The following STON1 variants were observed in gnomAD, a reference collection of about 807,000 sequenced individuals.
STON1 encodes stonin-1.
STON1 carries 79 observed loss-of-function variants against 60.9 expected under a neutral mutation model. That is an observed-to-expected ratio of 1.30 (90% CI 1.08 to 1.56). The LOEUF is 1.56. Ranked by LOEUF, STON1 falls within the 40% of genes most tolerant of loss-of-function variation. The probability of loss-of-function intolerance (pLI) is 0.00; values close to 1 mark genes in which losing one functional copy is unlikely to be tolerated. For synonymous variants in STON1, 363 were observed against 306.9 expected, an observed-to-expected ratio of 1.18 and a Z score of -1.91; for missense variants, 1,166 against 858.9, an observed-to-expected ratio of 1.36 and a Z score of -4.47.
chr2:48,534,021 A>T (rs2103729840), intron 1 of STON1, among the ~76,000 whole-genome samples: 1 of 152,218 alleles, frequency 6.6e-6, no homozygotes, highest in South Asian at 2.1e-4. Context: ...CGCCAGCCTC[A>T]GCCTCCCAAA....
intron 1 of STON1, among the ~76,000 whole-genome samples, chr2:48,538,709 T>G (rs1043160410): frequency 6.6e-6 from 1 of 150,960 alleles, no homozygotes; most frequent in African/African-American, 2.4e-5. Context: ...ACAATTCTGT[T>G]GCCTCAGCCT....
At chr2:48,544,727 G>T (rs1479720248) in intron 1 of STON1, among the ~76,000 whole-genome samples, 1 of 150,338 alleles carries the variant, frequency 6.7e-6, no homozygotes, top group Non-Finnish European at 1.5e-5. Context: ...TGTATTTTTC[G>T]TAGAAACAGG....
rs949860825 is a variant in STON1, at chr2:48,557,458, G to T, written c.-47-23129G>T. 2.8e-5 allele frequency among the ~76,000 whole-genome samples: 3 copies of T among 106,458 alleles called. 1 individual carries two copies. Among genetic ancestry groups the T allele is most frequent in the African/African-American group, 1.0e-4 (3 of 30,042 alleles). 69.8% of individuals were successfully genotyped at this position (106,458 alleles called of 152,430 possible). On this transcript the variant is annotated intron_variant, in intron 1 of 3. Coordinates refer to ENST00000404752, the MANE Select transcript of STON1 (RefSeq NM_006873.4). Reference sequence around the variant, plus strand: ...CGCTCCTCACTTTCCAGACTGGGCAGCCAGGCAGAGGGGCTCCTCACATCC... The same window carrying T: ...CGCTCCTCACTTTCCAGACTGGGCATCCAGGCAGAGGGGCTCCTCACATCC...
chr2:48,561,627 G>T (rs965375892), intron 1 of STON1, among the ~76,000 whole-genome samples: 1 of 152,178 alleles, frequency 6.6e-6, no homozygotes, highest in African/African-American at 2.4e-5. Context: ...ATGTTTAGCA[G>T]CATCTCTGGC....
intron 1 of STON1, among the ~76,000 whole-genome samples, chr2:48,535,023 G>A (rs1671365512): frequency 6.6e-6 from 1 of 152,088 alleles, no homozygotes; most frequent in Admixed American, 6.5e-5. Context: ...TGGGATTCTG[G>A]AGCAGTCCTC....
intron 1 of STON1, among the ~76,000 whole-genome samples, chr2:48,550,931 T>A (rs1405341017): frequency 6.6e-6 from 1 of 152,074 alleles, no homozygotes; most frequent in African/African-American, 2.4e-5. Context: ...TGAGCAATTG[T>A]ATGGTTGGCA....
chr2:48,564,405 G>A (rs181914009), intron 1 of STON1, among the ~76,000 whole-genome samples: 1 of 82,940 alleles, frequency 1.2e-5, no homozygotes, highest in African/African-American at 4.6e-5. Context: ...CAGTGGCGGT[G>A]TCTTCTTCTT....
rs191162747 is a variant in STON1 at position 48,581,082 on chromosome 2, G to T, written c.449G>T (p.Gly150Val). The stretch of plus-strand genomic sequence containing the variant: ...TGTACACATCCAACTCCCAAAGTAG[G>T]TCTTCCAGATGAAGTTAATCCTCAA... ...HSCTHPTPKVGLPDEVNPQQA... is the reference protein window; with the variant it reads ...HSCTHPTPKVVLPDEVNPQQA... The change falls in exon 2 of 4, where the codon GGT (glycine) becomes GTT (valine). Residue 150 changes from glycine to valine, a missense_variant. By Grantham distance (109) the Gly-to-Val change is moderately radical. Transcript: ENST00000404752. 1.9e-6 allele frequency: 3 copies of T among 1,600,950 alleles called. No homozygotes were observed. Among genetic ancestry groups the T allele is most frequent in the South Asian group, 2.3e-5 (2 of 87,964 alleles).
chr2:48,575,214 T>C (rs1247581783), intron 1 of STON1, among the ~76,000 whole-genome samples: 2 of 152,244 alleles, frequency 1.3e-5, no homozygotes, highest in African/African-American at 4.8e-5. Context: ...TAATACTGAA[T>C]AATATTCTAT....
At chr2:48,559,477 C>CAGAGCCCTT (rs1672520868) in intron 1 of STON1, among the ~76,000 whole-genome samples, 1 of 152,180 alleles carries the variant, frequency 6.6e-6, no homozygotes, top group Non-Finnish European at 1.5e-5. Flanking sequence ...TTCATAAGGT[C>CAGAGCCCTT]AGAGCCCTTA....
intron 1 of STON1, among the ~76,000 whole-genome samples, chr2:48,540,714 G>A (rs952269304): frequency 3.3e-5 from 5 of 152,356 alleles, no homozygotes; most frequent in African/African-American, 1.2e-4. Context: ...TCAACTTGAA[G>A]TGGGTCAGTC....
At chr2:48,539,930 A>G (rs1671589527) in intron 1 of STON1, among the ~76,000 whole-genome samples, 2 of 152,074 alleles carry the variant, frequency 1.3e-5, no homozygotes, top group South Asian at 2.1e-4. Context: ...GCAGCTTTTT[A>G]TGACCTCCAG....
At position 48,581,326 on chromosome 2, in the gene STON1, G is replaced by A. The variant is rs532048939; in HGVS notation, c.693G>A (p.Glu231=). The A allele has an allele frequency of 3.7e-5, 57 of 1,533,478 alleles. 1 individual carries two copies. In the South Asian group the frequency reaches 7.2e-4, roughly 19 times the overall value. The allele number at this position is 1,533,478 out of a possible 1,614,324, so 95.0% of individuals were successfully genotyped here. The change falls in exon 2 of 4, where the codon GAG becomes GAA. Residue 231 remains glutamate (E), a synonymous_variant. Transcript: ENST00000404752. ...AGTGTTCACTCAACTATATCTGTGA[G>A]AAGCTTGAACATCTCCAGTCAGCTG... ...LNKCSLNYIC[E]KLEHLQSAEN...
intron 1 of STON1, among the ~76,000 whole-genome samples, chr2:48,545,688 T>C (rs1671836746): frequency 6.6e-6 from 1 of 152,234 alleles, no homozygotes; most frequent in South Asian, 2.1e-4. Context: ...CTGGAACTTT[T>C]CTGTTTGTCT....
At chr2:48,590,625 C>T (rs1674453640) in intron 2 of STON1, among the ~76,000 whole-genome samples, 1 of 7,412 alleles carries the variant, frequency 1.3e-4, no homozygotes, top group South Asian at 3.0e-3. Context: ...AAATATTGAT[C>T]ATTTCCTTAT....
At chr2:48,582,947 G>T (rs190970200) in intron 2 of STON1, among the ~76,000 whole-genome samples, 1 of 152,284 alleles carries the variant, frequency 6.6e-6, no homozygotes, top group East Asian at 1.9e-4. Context: ...TGTCATCCAT[G>T]AATATACCTG....
At position 48,582,181 on chromosome 2, in the gene STON1, T is replaced by A; in HGVS notation, c.1548T>A (p.Arg516=). Residue 516 remains arginine (R), a synonymous_variant, in exon 2 of 4, where the codon CGT becomes CGA. Transcript: ENST00000404752. ...PLDACRFELM[R]FKTLYNGDNL... The stretch of plus-strand genomic sequence containing the variant: ...ATGCCTGCCGGTTTGAGCTGATGCG[T>A]TTCAAGACTTTGTATAATGGGGATA... 1.2e-6 allele frequency: 2 copies of A among 1,614,194 alleles called. No individual in the cohort carries two copies. The highest frequency in any genetic ancestry group is 1.7e-6 in the Non-Finnish European group (2 of 1,180,048).
rs1671142520 is a variant in STON1 at position 48,530,202 on chromosome 2, C to T, written c.-62C>T. 2.4e-6 allele frequency: 1 copy of T among 411,786 alleles called. No individual in the cohort carries two copies. The highest frequency in any genetic ancestry group is 1.8e-5 in the South Asian group (1 of 55,240). 25.5% of individuals were successfully genotyped at this position (411,786 alleles called of 1,614,324 possible). ...GCTGGCTGCGGCCAGAATCGGAGCC[C>T]CAACCGCGCTGCCGGTGAGTGACCA... On this transcript the variant is annotated 5_prime_UTR_variant, in exon 1 of 4. Coordinates refer to ENST00000404752, the MANE Select transcript of STON1 (RefSeq NM_006873.4).
At chr2:48,590,408 C>G (rs1328603789) in intron 2 of STON1, among the ~76,000 whole-genome samples, 1 of 152,086 alleles carries the variant, frequency 6.6e-6, no homozygotes, top group African/African-American at 2.4e-5. Flanking sequence ...CCTTTAAACT[C>G]TTGTTTTTGT....
Sources: allele counts gnomAD v4.1 joint callset (sites outside exome capture counted in the v4.1 genomes callset), GRCh38; gene constraint gnomAD v4.1.1; transcripts MANE v1.5; gene names NCBI Gene and HGNC (gene_info 2026-07-23, HGNC 2026-07-21).